WNK3: variants seen among roughly 807,000 people sequenced by gnomAD.
The protein encoded by WNK3 is WNK lysine deficient protein kinase 3.
Under a neutral mutation model 116.7 loss-of-function variants are expected in WNK3, and 18 were observed. That is an observed-to-expected ratio of 0.15 (90% CI 0.11 to 0.23). The LOEUF is 0.23. Ranked by LOEUF, WNK3 falls within the 10% of genes least tolerant of loss-of-function variation. WNK3 has a pLI of 1.00. For missense variants in WNK3, 993 were observed against 1,323.8 expected, an observed-to-expected ratio of 0.75 and a Z score of 3.88; for synonymous variants, 404 against 469.4, an observed-to-expected ratio of 0.86 and a Z score of 1.80.
intron 10 of WNK3, among the ~76,000 whole-genome samples, chrX:54,283,185 T>C (rs1362875042): frequency 8.9e-6 from 1 of 112,314 alleles, no homozygotes; most frequent in Admixed American, 9.5e-5. Context: ...GGCTCATGCC[T>C]GTAATCCTGG....
chrX:54,289,282 G>C (rs1557164540), intron 10 of WNK3, among the ~76,000 whole-genome samples: 1 of 111,098 alleles, frequency 9.0e-6, no homozygotes, highest in East Asian at 2.8e-4. Flanking sequence ...TGAATAAACA[G>C]GCTGTTTATG....
At chrX:54,302,924 C>T (rs1214664697) in intron 5 of WNK3, among the ~76,000 whole-genome samples, 1 of 97,536 alleles carries the variant, frequency 1.0e-5, no homozygotes, top group Non-Finnish European at 2.0e-5. Context: ...CCACCAAACT[C>T]GGCTAATTTT....
intron 22 of WNK3, among the ~76,000 whole-genome samples, chrX:54,221,215 T>C (rs1557146434): frequency 8.9e-6 from 1 of 112,221 alleles, no homozygotes; most frequent in African/African-American, 3.2e-5. Context: ...GTGAGTCCTT[T>C]AGGATGAAAT....
At chrX:54,346,292 A>T in intron 1 of WNK3, among the ~76,000 whole-genome samples, 1 of 103,281 alleles carries the variant, frequency 9.7e-6, no homozygotes, top group African/African-American at 3.5e-5. Context: ...AAAAAAAAAA[A>T]AAAAAAAAAA....
Position 54,248,821 on chromosome X carries a change from G to C in WNK3, c.3527C>G (p.Pro1176Arg), listed in dbSNP as rs782079629. ...CTTAGAGCCTGTCTGTTGGAAATTA[G>C]GGGATTGTACAGGGCTATCTTTAAT... The change falls in exon 17 of 24, where the codon CCT becomes CGT. Residue 1176 changes from proline (P) to arginine (R), a missense_variant. By Grantham distance (103) the Pro-to-Arg change is moderately radical. Around this residue, in one of 4 missense-constraint regions of WNK3, gnomAD observed 836 missense variants for 976.5 expected, o/e 0.86. Transcript: ENST00000354646. The C allele has an allele frequency of 4.1e-6, 5 of 1,211,618 alleles. 1 individual carries two copies. The South Asian group carries it at 8.8e-5, about 21-fold the overall frequency.
At chrX:54,272,560 A>G (rs1470845557) in intron 10 of WNK3, among the ~76,000 whole-genome samples, 1 of 112,330 alleles carries the variant, frequency 8.9e-6, no homozygotes, top group Non-Finnish European at 1.9e-5. Flanking sequence ...TTACCAGAAT[A>G]CAGGTGTGGA....
rs6611650 is a variant in WNK3 at position 54,240,317 on chromosome X, A to C, written c.3652-1218T>G. 5.4e-5 allele frequency among the ~76,000 whole-genome samples: 6 copies of C among 110,767 alleles called. No individual in the cohort carries two copies. The East Asian group carries it at 1.1e-3, about 21-fold the overall frequency. ...AAACTCTTGTTTCAAAAAAAAAAAA[A>C]CAAAAAAACAAACACAAACTTATGG... On this transcript the variant is annotated intron_variant, in intron 17 of 23. Coordinates refer to ENST00000354646, the Ensembl canonical transcript of WNK3.
chrX:54,344,982 G>A (rs1283301183), intron 1 of WNK3, among the ~76,000 whole-genome samples: 1 of 107,350 alleles, frequency 9.3e-6, no homozygotes. Context: ...GGGCGCGGTG[G>A]CTCCCGCCTG....
chrX:54,234,209 A>G (rs1378093650), intron 20 of WNK3, among the ~76,000 whole-genome samples: 5 of 110,228 alleles, frequency 4.5e-5, no homozygotes, highest in Non-Finnish European at 7.6e-5. Context: ...CCTCATCTCT[A>G]CAAAAAAATT....
rs782287976 is a variant in WNK3 at position 54,220,826 on chromosome X, A to G, written c.4870+7888T>C. Among the ~76,000 whole-genome samples the G allele has an allele frequency of 2.4e-4, 27 of 111,396 alleles. No individual in the cohort carries two copies. In the South Asian group the frequency reaches 9.4e-3, roughly 39 times the overall value. The stretch of plus-strand genomic sequence containing the variant: ...AATAGCTAGCTATTTTAGAGTTCCT[A>G]TTAAAATAGGATTCTACTTGTTGTA... On this transcript the variant is annotated intron_variant, in intron 22 of 23. Transcript: ENST00000354646.
At chrX:54,273,819 T>C (rs2068411226) in intron 10 of WNK3, among the ~76,000 whole-genome samples, 2 of 111,571 alleles carry the variant, frequency 1.8e-5, no homozygotes, top group Admixed American at 9.6e-5. Context: ...GATTAAATGA[T>C]ATGGTGAATT....
At chrX:54,210,011 C>T (rs1472924837) in intron 22 of WNK3, among the ~76,000 whole-genome samples, 7 of 111,849 alleles carry the variant, frequency 6.3e-5, no homozygotes, top group South Asian at 3.7e-4. Context: ...TACCACATTT[C>T]GCATTTGACC....
At chrX:54,200,822 C>A (rs1216183908) in intron 23 of WNK3, among the ~76,000 whole-genome samples, 1 of 111,598 alleles carries the variant, frequency 9.0e-6, no homozygotes, top group African/African-American at 3.3e-5. Flanking sequence ...TTGAAATTTG[C>A]CTCTAAAGGC....
chrX:54,349,832 ACC>A (rs2069489681), intron 1 of WNK3, among the ~76,000 whole-genome samples: 1 of 111,616 alleles, frequency 9.0e-6, no homozygotes, highest in South Asian at 3.8e-4. Context: ...GTGAACTATG[ACC>A]ATGCCACTGC....
intron 1 of WNK3, among the ~76,000 whole-genome samples, chrX:54,343,901 T>G (rs1557176894): frequency 9.0e-6 from 1 of 110,597 alleles, no homozygotes; most frequent in Non-Finnish European, 1.9e-5. Context: ...GCTCAAGAGA[T>G]TCTCCCTCCT....
At chrX:54,265,486 G>GA (rs1182704409) in intron 10 of WNK3, among the ~76,000 whole-genome samples, 2 of 110,109 alleles carry the variant, frequency 1.8e-5, no homozygotes, top group African/African-American at 3.3e-5. Context: ...GACTCCGTCT[G>GA]AAAAAAAAGA....
intron 10 of WNK3, among the ~76,000 whole-genome samples, chrX:54,280,590 T>A (rs1257526904): frequency 1.8e-5 from 2 of 112,090 alleles, no homozygotes; most frequent in African/African-American, 6.5e-5. Context: ...TGTGGAATAC[T>A]ATGCAGCCAT....
intron 10 of WNK3, among the ~76,000 whole-genome samples, chrX:54,271,018 A>G (rs2068377626): frequency 9.0e-6 from 1 of 111,711 alleles, no homozygotes; most frequent in Admixed American, 9.6e-5. Context: ...ACCTCAGGTG[A>G]TCTGCCCGCC....
chrX:54,271,941 CTTA>C (rs1269159447), intron 10 of WNK3, among the ~76,000 whole-genome samples: 1 of 112,002 alleles, frequency 8.9e-6, no homozygotes, highest in African/African-American at 3.2e-5. Flanking sequence ...GACTAATGTC[CTTA>C]TTATTACCAG....
Sources: gnomAD v4.1 joint callset for allele counts (sites outside exome capture counted in the v4.1 genomes callset) on GRCh38, gnomAD v4.1.1 for gene constraint, gnomAD v4.1.1 regional missense constraint, MANE v1.5 for transcripts, NCBI Gene and HGNC (gene_info 2026-07-23, HGNC 2026-07-21) for gene names.